CHIC1: variants seen among roughly 807,000 people sequenced by gnomAD.
CHIC1 encodes the protein cysteine rich hydrophobic domain 1, also known as cysteine-rich hydrophobic domain-containing protein 1.
Under a neutral mutation model 18.5 loss-of-function variants are expected in CHIC1, and 7 were observed. That is an observed-to-expected ratio of 0.38 (90% CI 0.22 to 0.71). The LOEUF (loss-of-function observed/expected upper bound fraction) is 0.71, where lower values mean the gene tolerates loss of function less well. CHIC1 is among the 30% of genes least tolerant of loss of function. CHIC1 has a pLI of 0.49. For missense variants in CHIC1, 159 were observed against 176.9 expected, an observed-to-expected ratio of 0.90 and a Z score of 0.57; for synonymous variants, 77 against 73.5, an observed-to-expected ratio of 1.05 and a Z score of -0.25.
chrX:73,572,431 C>T (rs1040349342), intron 1 of CHIC1, among the ~76,000 whole-genome samples: 1 of 110,511 alleles, frequency 9.0e-6, no homozygotes, highest in African/African-American at 3.3e-5. Context: ...CATATGGGCA[C>T]GTGTGTAATT....
chrX:73,679,700 AT>A lies in CHIC1; in HGVS notation c.612del (p.Asn204LysfsTer2). On this transcript the variant is annotated frameshift_variant, in exon 5 of 6. Coordinates refer to ENST00000373502, the MANE Select transcript of CHIC1 (RefSeq NM_001039840.4). LOFTEE classifies it high-confidence loss of function. ...KLTKRKCETS[N>X]MMEYVILIEF... ...ACTAAGAGGAAATGTGAAACTAGCA[AT>A]ATGATGGAGTATGTAAGTATGAGGT... 1 of 1,091,903 alleles carries A rather than the reference AT, an allele frequency of 9.2e-7. No individual in the cohort carries two copies. The highest frequency in any genetic ancestry group is 1.2e-6 in the Non-Finnish European group (1 of 816,800). 90.0% of individuals were successfully genotyped at this position (1,091,903 alleles called of 1,213,427 possible).
rs772418309 is a variant in CHIC1, at chrX:73,677,991, G to GGT, written c.508-1335_508-1334insGT. 9.1e-4 allele frequency among the ~76,000 whole-genome samples: 73 copies of GGT among 80,358 alleles called. 1 individual carries two copies. The highest frequency in any genetic ancestry group is 1.3e-3 in the African/African-American group (24 of 18,219). The allele number at this position is 80,358 out of a possible 115,157, so 69.8% of individuals were successfully genotyped here. A position where few individuals can be genotyped will look rare whatever the true frequency, so the allele number is the denominator to read the frequency against. Reference sequence around the variant, plus strand: ...AAATTATTGTGTCCTTTTGGAGGTTGTTTTTTTTTTTTTTTTGTCCTTACA... The same window carrying GGT: ...AAATTATTGTGTCCTTTTGGAGGTTGGTTTTTTTTTTTTTTTTTGTCCTTACA... On this transcript the variant is annotated intron_variant, in intron 3 of 5. Coordinates refer to ENST00000373502, the MANE Select transcript of CHIC1 (RefSeq NM_001039840.4).
intron 3 of CHIC1, among the ~76,000 whole-genome samples, chrX:73,662,921 G>A (rs1253842077): frequency 8.9e-6 from 1 of 111,999 alleles, no homozygotes; most frequent in African/African-American, 3.2e-5. Flanking sequence ...TGATTTACAT[G>A]ATACTGACAC....
chrX:73,593,543 T>G (rs953223371), intron 3 of CHIC1, among the ~76,000 whole-genome samples: 11 of 111,754 alleles, frequency 9.8e-5, no homozygotes, highest in Non-Finnish European at 1.9e-4. Context: ...GTCTCAGGAG[T>G]CCTAATGTGT....
intron 3 of CHIC1, among the ~76,000 whole-genome samples, chrX:73,600,437 T>G (rs1237613844): frequency 2.9e-5 from 3 of 103,865 alleles, no homozygotes; most frequent in Non-Finnish European, 5.8e-5. Flanking sequence ...TGCTTCCAGT[T>G]TTTGCCCATT....
At position 73,648,567 on chromosome X, in the gene CHIC1, G is replaced by A. The variant is rs971567707; in HGVS notation, c.508-30759G>A. ...ACACACAGCACAAGAACTTGGTGAA[G>A]CATACACAAGTATCAACAGCTGAAT... On this transcript the variant is annotated intron_variant, in intron 3 of 5. Transcript: ENST00000373502. 5.4e-5 allele frequency among the ~76,000 whole-genome samples: 6 copies of A among 111,862 alleles called. No individual in the cohort carries two copies. The East Asian group carries it at 8.4e-4, about 16-fold the overall frequency.
At chrX:73,627,208 C>A (rs1193632417) in intron 3 of CHIC1, among the ~76,000 whole-genome samples, 1 of 108,706 alleles carries the variant, frequency 9.2e-6, no homozygotes, top group Non-Finnish European at 1.9e-5. Flanking sequence ...AGTGGAGTGA[C>A]ATAAGCACCC....
At chrX:73,671,448 A>G (rs1381755527) in intron 3 of CHIC1, among the ~76,000 whole-genome samples, 1 of 111,871 alleles carries the variant, frequency 8.9e-6, no homozygotes, top group East Asian at 2.8e-4. Context: ...GGTGTCACAA[A>G]GGCTTTCTTT....
chrX:73,655,559 TATATATAGTGTGTGC>T (rs2057943584), intron 3 of CHIC1, among the ~76,000 whole-genome samples: 1 of 92,910 alleles, frequency 1.1e-5, no homozygotes, highest in African/African-American at 3.9e-5. Flanking sequence ...CAATATTGTG[TATATATAGTGTGTGC>T]ATATATATAC....
At chrX:73,660,967 C>T (rs2057977046) in intron 3 of CHIC1, among the ~76,000 whole-genome samples, 1 of 111,687 alleles carries the variant, frequency 9.0e-6, no homozygotes, top group African/African-American at 3.3e-5. Flanking sequence ...AAGGCTTGTG[C>T]TAGTGGTGTT....
intron 3 of CHIC1, among the ~76,000 whole-genome samples, chrX:73,601,499 T>C (rs1293466854): frequency 3.8e-5 from 4 of 106,336 alleles, no homozygotes; most frequent in Non-Finnish European, 7.6e-5. Context: ...ATAAAGATGT[T>C]CTTTGAAACC....
intron 3 of CHIC1, among the ~76,000 whole-genome samples, chrX:73,612,682 A>G (rs956042906): frequency 1.8e-5 from 2 of 111,896 alleles, no homozygotes; most frequent in Non-Finnish European, 3.8e-5. Flanking sequence ...CAGTGATAGA[A>G]TTTTGAGTTT....
rs2057731912 is a variant in CHIC1 at position 73,616,136 on chromosome X, C to CTG, written c.507+31566_507+31567dup. Among the ~76,000 whole-genome samples, 3 of 110,818 alleles carry CTG rather than the reference C, an allele frequency of 2.7e-5. No homozygotes were observed. The South Asian group carries it at 1.2e-3, about 44-fold the overall frequency. On this transcript the variant is annotated intron_variant, in intron 3 of 5. Transcript: ENST00000373502. ...GGCTGGGCTCTCAGTGTGCACCTTA[C>CTG]TGTAGCTGCTTAGGACTTGTGGGGG...
intron 3 of CHIC1, among the ~76,000 whole-genome samples, chrX:73,676,575 A>G (rs2147630933): frequency 9.0e-6 from 1 of 111,555 alleles, no homozygotes; most frequent in South Asian, 3.8e-4. Flanking sequence ...CTTGGTTTTC[A>G]GCTCCATCAG....
intron 3 of CHIC1, among the ~76,000 whole-genome samples, chrX:73,672,676 G>A (rs1182972895): frequency 1.8e-5 from 2 of 112,325 alleles, no homozygotes; most frequent in East Asian, 5.6e-4. Context: ...CCCTTTGTCA[G>A]ATGAGTAGGT....
At chrX:73,680,891 G>GGGGT in intron 5 of CHIC1, 64 bp from the exon 6 acceptor site, 1 of 584,022 alleles carries the variant, frequency 1.7e-6, no homozygotes, top group East Asian at 3.8e-5. Flanking sequence ...GACTTTCTGG[G>GGGGT]TTATTTATAA....
At chrX:73,605,328 T>C (rs1032684095) in intron 3 of CHIC1, among the ~76,000 whole-genome samples, 1 of 108,192 alleles carries the variant, frequency 9.2e-6, no homozygotes, top group Admixed American at 9.8e-5. Flanking sequence ...AACTCCTGCT[T>C]TTTTTGGCCT....
chrX:73,676,281 C>T (rs887134634), intron 3 of CHIC1, among the ~76,000 whole-genome samples: 2 of 111,633 alleles, frequency 1.8e-5, no homozygotes, highest in Non-Finnish European at 3.8e-5. Flanking sequence ...GTTGGCCTAC[C>T]TTGCTAGATT....
At chrX:73,669,720 A>G (rs2058020985) in intron 3 of CHIC1, among the ~76,000 whole-genome samples, 1 of 112,035 alleles carries the variant, frequency 8.9e-6, no homozygotes, top group Non-Finnish European at 1.9e-5. Context: ...GGACTCTACA[A>G]AGCCCACAGG....
Sources: allele counts gnomAD v4.1 joint callset (sites outside exome capture counted in the v4.1 genomes callset), GRCh38; gene constraint gnomAD v4.1.1; transcripts MANE v1.5; gene names NCBI Gene and HGNC (gene_info 2026-07-23, HGNC 2026-07-21).